Variants in CHRNA4 observed in about 807,000 individuals in gnomAD.
CHRNA4 encodes the protein neuronal acetylcholine receptor subunit alpha-4.
CHRNA4 carries 28 observed loss-of-function variants against 48.9 expected under a neutral mutation model. The ratio of observed to expected loss-of-function variants is 0.57; its 90% confidence interval spans 0.42 to 0.79. The LOEUF (loss-of-function observed/expected upper bound fraction) is 0.79. Among genes scored for constraint, CHRNA4 ranks in the 30% least tolerant of loss-of-function variants. The pLI is 0.00. For missense variants in CHRNA4, 859 were observed against 898.4 expected, an observed-to-expected ratio of 0.96 and a Z score of 0.56; for synonymous variants, 425 against 402.3, an observed-to-expected ratio of 1.06 and a Z score of -0.68.
In CHRNA4 at chr20:63,343,241, T is replaced by C. The variant is rs910418479; in HGVS notation, c.*3497A>G. ...GCACACGTGGTGACGGTGCGTTTTA[T>C]TCATTGAAGTCTGTGCACACACTGG... is the stretch of plus-strand genomic sequence containing the variant. On this transcript the variant is annotated 3_prime_UTR_variant, in exon 6 of 6. Transcript: ENST00000370263. 1 of 401,916 alleles carries C rather than the reference T, an allele frequency of 2.5e-6. No individual in the cohort carries two copies. Among genetic ancestry groups the C allele is most frequent in the Admixed American group, 2.8e-5 (1 of 36,108 alleles). 24.9% of individuals were successfully genotyped at this position (401,916 alleles called of 1,614,324 possible). A position where few individuals can be genotyped will look rare whatever the true frequency, so the allele number is the denominator to read the frequency against.
chr20:63,344,892 G>A lies in CHRNA4; in HGVS notation c.*1846C>T, dbSNP rs1469819176. The A allele has an allele frequency of 5.9e-5, 24 of 408,794 alleles. No individual in the cohort carries two copies. In the East Asian group the frequency reaches 7.2e-4, roughly 12 times the overall value. The allele number at this position is 408,794 out of a possible 1,614,324, so 25.3% of individuals were successfully genotyped here. On this transcript the variant is annotated 3_prime_UTR_variant, in exon 6 of 6. Coordinates refer to ENST00000370263, the MANE Select transcript of CHRNA4 (RefSeq NM_000744.7). This position sits in a 1 kb window ranked among gnomAD's most constrained non-coding sequence, Gnocchi z 4.5. Reference sequence around the variant, plus strand: ...TCAGCAGATGGGGTCCTGAATACACGGGGGATGTGGGAGGGGCCAGGGGGC... The same window carrying A: ...TCAGCAGATGGGGTCCTGAATACACAGGGGATGTGGGAGGGGCCAGGGGGC...
chr20:63,353,085 C>T (rs1318999014), intron 4 of CHRNA4, among the ~76,000 whole-genome samples: 4 of 152,360 alleles, frequency 2.6e-5, no homozygotes, highest in East Asian at 1.9e-4. Flanking sequence ...GACCCTCTGT[C>T]CCCTCCACCC....
rs1432252194 is a variant in CHRNA4, at chr20:63,361,071, C to T, written c.76+19G>A. ...CGAACGCGGGCGAAAGGGGGCCCATCCCGCGCCCCGTAACTTACCGCGCAG... is the reference window on the plus strand; with the variant it reads ...CGAACGCGGGCGAAAGGGGGCCCATTCCGCGCCCCGTAACTTACCGCGCAG... On this transcript the variant is annotated intron_variant, in intron 1 of 5. Transcript: ENST00000370263. 1.7e-5 allele frequency: 24 copies of T among 1,434,802 alleles called. No homozygotes were observed. The South Asian group carries it at 2.1e-4, about 12-fold the overall frequency. 88.9% of individuals were successfully genotyped at this position (1,434,802 alleles called of 1,614,324 possible).
chr20:63,347,334 G>A (rs1283407048), intron 5 of CHRNA4, among the ~76,000 whole-genome samples: 1 of 152,136 alleles, frequency 6.6e-6, no homozygotes, highest in African/African-American at 2.4e-5. Flanking sequence ...GAGGGCGGAC[G>A]AAAGCAGCAC....
At position 63,346,733 on chromosome 20, in the gene CHRNA4, C is replaced by G. The variant is rs201097839; in HGVS notation, c.*5G>C. Reference sequence around the variant, plus strand: ...CCCCAGGCCACGCAGGCTCCCGGTCCCTTCCTAGATCATGCCAGCCAGCCA... The same window carrying G: ...CCCCAGGCCACGCAGGCTCCCGGTCGCTTCCTAGATCATGCCAGCCAGCCA... On this transcript the variant is annotated 3_prime_UTR_variant, in exon 6 of 6. Coordinates refer to ENST00000370263, the MANE Select transcript of CHRNA4 (RefSeq NM_000744.7). The G allele has an allele frequency of 2.4e-5, 39 of 1,607,354 alleles. No homozygotes were observed. In the African/African-American group the frequency reaches 4.8e-4, roughly 20 times the overall value.
In CHRNA4 at chr20:63,343,257, C is replaced by T; in HGVS notation, c.*3481G>A. 2 of 427,318 alleles carry T rather than the reference C, an allele frequency of 4.7e-6. No individual in the cohort carries two copies. Among genetic ancestry groups the T allele is most frequent in the Non-Finnish European group, 9.5e-6 (2 of 210,068 alleles). The allele number at this position is 427,318 out of a possible 1,614,324, so 26.5% of individuals were successfully genotyped here. ...TGCGTTTTATTCATTGAAGTCTGTG[C>T]ACACACTGGGAGCACATTCCAGGGC... On this transcript the variant is annotated 3_prime_UTR_variant, in exon 6 of 6. Coordinates refer to ENST00000370263, the MANE Select transcript of CHRNA4 (RefSeq NM_000744.7).
Position 63,346,184 on chromosome 20 carries a change from C to T in CHRNA4, c.*554G>A, listed in dbSNP as rs1290163076. ...ACACAATCCCTGCCTGGACCCTCTCCTAGCGAAGCAGATTGGAGCGCTGCT... is the reference window on the plus strand; with the variant it reads ...ACACAATCCCTGCCTGGACCCTCTCTTAGCGAAGCAGATTGGAGCGCTGCT... On this transcript the variant is annotated 3_prime_UTR_variant, in exon 6 of 6. Coordinates refer to ENST00000370263, the MANE Select transcript of CHRNA4 (RefSeq NM_000744.7). The T allele has an allele frequency of 2.2e-6, 1 of 454,228 alleles. No homozygotes were observed. The highest frequency in any genetic ancestry group is 6.9e-5 in the East Asian group (1 of 14,398). 28.1% of individuals were successfully genotyped at this position (454,228 alleles called of 1,614,324 possible). A position where few individuals can be genotyped will look rare whatever the true frequency, so the allele number is the denominator to read the frequency against.
At chr20:63,351,458 C>A (rs1318341630) in intron 4 of CHRNA4, among the ~76,000 whole-genome samples, 1 of 152,214 alleles carries the variant, frequency 6.6e-6, no homozygotes, top group Non-Finnish European at 1.5e-5. Context: ...TTACCCTTAT[C>A]CATGAGTGGC....
Position 63,346,531 on chromosome 20 carries a change from C to T in CHRNA4, c.*207G>A. The T allele has an allele frequency of 1.3e-6, 1 of 765,702 alleles. No individual in the cohort carries two copies. The highest frequency in any genetic ancestry group is 2.2e-6 in the Non-Finnish European group (1 of 448,720). 47.4% of individuals were successfully genotyped at this position (765,702 alleles called of 1,614,324 possible). A position where few individuals can be genotyped will look rare whatever the true frequency, so the allele number is the denominator to read the frequency against. The stretch of plus-strand genomic sequence containing the variant: ...GCCACTGCCTCCTGAGGCCACAGTC[C>T]AACTGGAAGCAGCTCCACACTCGGT... On this transcript the variant is annotated 3_prime_UTR_variant, in exon 6 of 6. Coordinates refer to ENST00000370263, the MANE Select transcript of CHRNA4 (RefSeq NM_000744.7).
intron 4 of CHRNA4, among the ~76,000 whole-genome samples, chr20:63,353,386 TGAG>T (rs530766232): frequency 2.2e-4 from 33 of 148,688 alleles, no homozygotes; most frequent in Non-Finnish European, 1.3e-4. Flanking sequence ...CAGGCCATGG[TGAG>T]GAGGAGACAC....
rs1285398036 is a variant in CHRNA4 at position 63,346,690 on chromosome 20, T to C, written c.*48A>G. The C allele has an allele frequency of 6.3e-7, 1 of 1,577,188 alleles. No individual in the cohort carries two copies. Among genetic ancestry groups the C allele is most frequent in the Non-Finnish European group, 8.6e-7 (1 of 1,167,432 alleles). ...GGCCCCAGGCCGGCCGCATGGATGC[T>C]GGCCCCGTGCACGGCAGCCCCAGGC... On this transcript the variant is annotated 3_prime_UTR_variant, in exon 6 of 6. Coordinates refer to ENST00000370263, the MANE Select transcript of CHRNA4 (RefSeq NM_000744.7).
rs199908363 is a variant in CHRNA4 at position 63,361,072 on chromosome 20, C to A, written c.76+18G>T. 7.4e-3 allele frequency: 10,591 copies of A among 1,435,170 alleles called. 65 individuals carry two copies. Among genetic ancestry groups the A allele is most frequent in the South Asian group, 0.015 (1,104 of 72,998 alleles). 88.9% of individuals were successfully genotyped at this position (1,435,170 alleles called of 1,614,324 possible). ...GAACGCGGGCGAAAGGGGGCCCATC[C>A]CGCGCCCCGTAACTTACCGCGCAGG... On this transcript the variant is annotated intron_variant, in intron 1 of 5. Coordinates refer to ENST00000370263, the MANE Select transcript of CHRNA4 (RefSeq NM_000744.7).
At chr20:63,357,057 C>A (rs1453622196) in intron 2 of CHRNA4, among the ~76,000 whole-genome samples, 2 of 130,124 alleles carry the variant, frequency 1.5e-5, no homozygotes, top group East Asian at 4.8e-4. Context: ...ACCCACAGGA[C>A]CACATCTCCA....
At position 63,351,108 on chromosome 20, in the gene CHRNA4, CCCA is replaced by C. The variant is rs2068592462; in HGVS notation, c.384-84_384-82del. 2.7e-5 allele frequency: 40 copies of C among 1,481,120 alleles called. 1 individual carries two copies. The South Asian group carries it at 4.7e-4, about 17-fold the overall frequency. 91.7% of individuals were successfully genotyped at this position (1,481,120 alleles called of 1,614,324 possible). A position where few individuals can be genotyped will look rare whatever the true frequency, so the allele number is the denominator to read the frequency against. On this transcript the variant is annotated intron_variant, in intron 4 of 5. Coordinates refer to ENST00000370263, the MANE Select transcript of CHRNA4 (RefSeq NM_000744.7). ...ACCCACGCCCACTGCCACACCCATG[CCCA>C]CGTCCACACCCACACCCACATCCAC... is the stretch of plus-strand genomic sequence containing the variant.
At chr20:63,360,524 G>A (rs985462148) in intron 1 of CHRNA4, among the ~76,000 whole-genome samples, 1 of 152,134 alleles carries the variant, frequency 6.6e-6, no homozygotes, top group East Asian at 1.9e-4. Flanking sequence ...GGCGGAGGGG[G>A]AGACCTCCAC....
Position 63,351,184 on chromosome 20 carries a change from T to TGCCAC in CHRNA4, c.384-158_384-157insGTGGC, listed in dbSNP as rs1555838251. On this transcript the variant is annotated intron_variant, in intron 4 of 5. Coordinates refer to ENST00000370263, the MANE Select transcript of CHRNA4 (RefSeq NM_000744.7). ...ACATCCACGTCCACGCCCACATCCATGTCCCACGCCCACATCCACACCCAC... is the reference window on the plus strand; with the variant it reads ...ACATCCACGTCCACGCCCACATCCATGCCACGTCCCACGCCCACATCCACACCCAC... 3 of 541,408 alleles carry TGCCAC rather than the reference T, an allele frequency of 5.5e-6. 1 individual carries two copies. The highest frequency in any genetic ancestry group is 9.7e-6 in the Non-Finnish European group (3 of 309,804). 33.5% of individuals were successfully genotyped at this position (541,408 alleles called of 1,614,324 possible).
At position 63,343,730 on chromosome 20, in the gene CHRNA4, G is replaced by C. The variant is rs554880267; in HGVS notation, c.*3008C>G. ...GGCCTCCCCTGGGAAGGAGGGGGCA[G>C]GATGGCGCAAGCAGCCGCAGAGGGG... On this transcript the variant is annotated 3_prime_UTR_variant, in exon 6 of 6. Transcript: ENST00000370263. The C allele has an allele frequency of 2.2e-6, 1 of 451,170 alleles. No individual in the cohort carries two copies. Among genetic ancestry groups the C allele is most frequent in the Non-Finnish European group, 4.5e-6 (1 of 224,634 alleles). The allele number at this position is 451,170 out of a possible 1,614,324, so 27.9% of individuals were successfully genotyped here.
intron 3 of CHRNA4, 40 bp from the exon 4 acceptor site, chr20:63,356,124 G>T: frequency 1.1e-6 from 1 of 881,060 alleles, no homozygotes; most frequent in Non-Finnish European, 1.7e-6. Flanking sequence ...AGGGTGAGGG[G>T]TGTGGGGGAG....
chr20:63,350,036 C>T lies in CHRNA4; in HGVS notation c.1375G>A (p.Gly459Arg). Reference protein sequence around the residue: ...CRPPHGTQAPGLAKARSLSVQ... With the variant: ...CRPPHGTQAPRLAKARSLSVQ... ...CTGAGGGACCTGGCTTTGGCCAGCC[C>T]TGGTGCCTGGGTGCCGTGGGGCGGG... The change falls in exon 5 of 6, where the codon GGG becomes AGG. Residue 459 changes from glycine (G) to arginine (R), a missense_variant. Around this residue, in one of 3 missense-constraint regions of CHRNA4, gnomAD observed 478 missense variants for 455.4 expected, o/e 1.05. Transcript: ENST00000370263. The T allele has an allele frequency of 6.6e-7, 1 of 1,518,482 alleles. No individual in the cohort carries two copies. The highest frequency in any genetic ancestry group is 8.8e-7 in the Non-Finnish European group (1 of 1,133,000). 94.1% of individuals were successfully genotyped at this position (1,518,482 alleles called of 1,614,324 possible).
Sources: gnomAD v4.1 joint callset for allele counts (sites outside exome capture counted in the v4.1 genomes callset) on GRCh38, gnomAD v4.1.1 for gene constraint, gnomAD v4.1.1 regional missense constraint, Gnocchi (gnomAD v3.1) non-coding constraint, MANE v1.5 for transcripts, NCBI Gene and HGNC (gene_info 2026-07-23, HGNC 2026-07-21) for gene names.